The following HAUS6 variants were observed in gnomAD, a reference collection of about 807,000 sequenced individuals.
HAUS6 encodes HAUS augmin like complex subunit 6.
HAUS6 carries 80 observed loss-of-function variants against 106.8 expected under a neutral mutation model. That is an observed-to-expected ratio of 0.75 (90% CI 0.63 to 0.90). The LOEUF is 0.90. HAUS6 is among the 40% of genes least tolerant of loss of function. The pLI is 0.00. For missense variants in HAUS6, 1,155 were observed against 1,118.1 expected (o/e 1.03, Z -0.47); for synonymous variants, 356 against 379.1 (o/e 0.94, Z 0.71).
intron 15 of HAUS6, 23 bp from the exon 16 acceptor site, chr9:19,059,024 C>A: frequency 7.7e-7 from 1 of 1,306,618 alleles, no homozygotes; most frequent in Non-Finnish European, 1.1e-6. Flanking sequence ...GAGAAAAACA[C>A]AGTTTACTAA....
At chr9:19,093,505 G>C (rs1234579553) in intron 3 of HAUS6, among the ~76,000 whole-genome samples, 1 of 152,224 alleles carries the variant, frequency 6.6e-6, no homozygotes, top group Non-Finnish European at 1.5e-5. Flanking sequence ...CTGTGCAGCA[G>C]AGTGCAAAGC....
chr9:19,086,829 G>T (rs1375690173), intron 6 of HAUS6, 47 bp from the exon 7 acceptor site: 2 of 797,904 alleles, frequency 2.5e-6, no homozygotes, highest in South Asian at 1.6e-5. Context: ...AAATCACATG[G>T]TAATTTAATA....
At chr9:19,067,846 C>G (rs1171260141) in intron 12 of HAUS6, among the ~76,000 whole-genome samples, 1 of 152,014 alleles carries the variant, frequency 6.6e-6, no homozygotes, top group Non-Finnish European at 1.5e-5. Context: ...GCATGCGCCA[C>G]CACACCCAGC....
intron 12 of HAUS6, chr9:19,065,187 G>A (rs559821169): frequency 1.3e-5 from 2 of 152,304 alleles, no homozygotes; most frequent in East Asian, 3.9e-4. Context: ...TCTCATTTCT[G>A]AACTGGCAAC....
chr9:19,087,084 C>A lies in HAUS6; in HGVS notation c.650+7G>T. On this transcript the variant is annotated splice_region_variant and intron_variant, in intron 6 of 16. Transcript: ENST00000380502. Reference sequence around the variant, plus strand: ...TAAGGCAACTTCTAGCTCTAAAAGTCACTTACTTCTTTATTTGGTTTTCCA... The same window carrying A: ...TAAGGCAACTTCTAGCTCTAAAAGTAACTTACTTCTTTATTTGGTTTTCCA... The A allele has an allele frequency of 7.2e-7, 1 of 1,380,904 alleles. No individual in the cohort carries two copies. The highest frequency in any genetic ancestry group is 1.2e-5 in the South Asian group (1 of 86,098). The allele number at this position is 1,380,904 out of a possible 1,614,324, so 85.5% of individuals were successfully genotyped here.
chr9:19,097,903 T>C (rs1817897049), intron 1 of HAUS6, among the ~76,000 whole-genome samples: 1 of 152,212 alleles, frequency 6.6e-6, no homozygotes, highest in Admixed American at 6.5e-5. Flanking sequence ...ATCAAGTGAA[T>C]TTCTGACTTA....
At chr9:19,090,528 C>A (rs1389090374) in intron 4 of HAUS6, among the ~76,000 whole-genome samples, 2 of 152,248 alleles carry the variant, frequency 1.3e-5, no homozygotes, top group Non-Finnish European at 2.9e-5. Context: ...CCACGCCCGG[C>A]TAATTTTTTG....
rs139687432 is a variant in HAUS6, at chr9:19,076,468, T to A, written c.1294+134A>T. 150 of 657,712 alleles carry A rather than the reference T, an allele frequency of 2.3e-4. No individual in the cohort carries two copies. The African/African-American group carries it at 2.3e-3, about 10-fold the overall frequency. 40.7% of individuals were successfully genotyped at this position (657,712 alleles called of 1,614,324 possible). A position where few individuals can be genotyped will look rare whatever the true frequency, so the allele number is the denominator to read the frequency against. ...CTTTGCAATAACTGAAATTGTGAATTTTATGTTACATGCATTTCACCACAA... is the reference window on the plus strand; with the variant it reads ...CTTTGCAATAACTGAAATTGTGAATATTATGTTACATGCATTTCACCACAA... On this transcript the variant is annotated intron_variant, in intron 11 of 16. Transcript: ENST00000380502.
At chr9:19,067,920 C>T (rs1836798066) in intron 12 of HAUS6, among the ~76,000 whole-genome samples, 3 of 151,966 alleles carry the variant, frequency 2.0e-5, no homozygotes, top group Admixed American at 2.0e-4. Flanking sequence ...TCTCGAACTC[C>T]TGACCTCAGG....
In HAUS6 at chr9:19,080,462, A is replaced by T. The variant is rs1837115589; in HGVS notation, c.1064+17T>A. 2 of 1,545,562 alleles carry T rather than the reference A, an allele frequency of 1.3e-6. No homozygotes were observed. The highest frequency in any genetic ancestry group is 2.7e-5 in the African/African-American group (2 of 73,442). ...CCTACTCCTCCCACAGTAAAATAAC[A>T]GATCTTTTTAGTGTACCTCATATGT... On this transcript the variant is annotated intron_variant, in intron 9 of 16. Coordinates refer to ENST00000380502, the MANE Select transcript of HAUS6 (RefSeq NM_017645.5).
chr9:19,097,224 G>A (rs1817883543), intron 1 of HAUS6, among the ~76,000 whole-genome samples: 1 of 152,084 alleles, frequency 6.6e-6, no homozygotes, highest in Non-Finnish European at 1.5e-5. Context: ...CAAAAGCAAT[G>A]GCAACAAAAG....
rs779393569 is a variant in HAUS6, at chr9:19,058,104, T to C, written c.2663A>G (p.His888Arg). The C allele has an allele frequency of 6.2e-7, 1 of 1,614,176 alleles. No homozygotes were observed. Among genetic ancestry groups the C allele is most frequent in the East Asian group, 2.2e-5 (1 of 44,886 alleles). Residue 888 changes from histidine to arginine, a missense_variant, in exon 16 of 17, where the codon CAT (histidine) becomes CGT (arginine). By Grantham distance (29) the His-to-Arg change is conservative. Transcript: ENST00000380502. ...TAAAGATGGCTTTATATGCTCAGTATGCAAATCACAGGTGTCCAAAAAGTT... is the reference window on the plus strand; with the variant it reads ...TAAAGATGGCTTTATATGCTCAGTACGCAAATCACAGGTGTCCAAAAAGTT... The part of the protein sequence containing the change: ...TLNFLDTCDL[H>R]TEHIKPSLRT...
At position 19,068,952 on chromosome 9, in the gene HAUS6, A is replaced by C. The variant is rs140198563; in HGVS notation, c.1376+1267T>G. On this transcript the variant is annotated intron_variant, in intron 12 of 16. Transcript: ENST00000380502. ...ACAAAATCCAGTTTTTTCATATGTT[A>C]AATCTGGTGGTTATAGTAAATCAGA... Among the ~76,000 whole-genome samples, 493 of 152,316 alleles carry C rather than the reference A, an allele frequency of 3.2e-3. 4 individuals are homozygous for C. Among genetic ancestry groups the C allele is most frequent in the African/African-American group, 0.011 (471 of 41,582 alleles).
At chr9:19,085,708 T>C (rs1837274509) in intron 7 of HAUS6, among the ~76,000 whole-genome samples, 1 of 151,952 alleles carries the variant, frequency 6.6e-6, no homozygotes, top group Admixed American at 6.6e-5. Flanking sequence ...GTCAGAATCC[T>C]CCCTCCTGCC....
At chr9:19,062,286 T>C (rs1038801002) in intron 14 of HAUS6, among the ~76,000 whole-genome samples, 11 of 152,190 alleles carry the variant, frequency 7.2e-5, no homozygotes, top group African/African-American at 2.2e-4. Context: ...TGATATGATA[T>C]TGCAGTGTGT....
intron 12 of HAUS6, among the ~76,000 whole-genome samples, chr9:19,069,315 G>A (rs988497551): frequency 1.3e-5 from 2 of 152,004 alleles, no homozygotes; most frequent in African/African-American, 4.8e-5. Flanking sequence ...GAATAGAAGA[G>A]GAAAAAATGC....
Position 19,082,911 on chromosome 9 carries a change from T to A in HAUS6, c.832A>T (p.Arg278Trp). Residue 278 changes from arginine to tryptophan, a missense_variant, in exon 8 of 17, where the codon AGG becomes TGG. Physicochemically the swap from Arg to Trp is moderately radical, Grantham distance 101 (BLOSUM62 -3). Around this residue, in one of 3 missense-constraint regions of HAUS6, gnomAD observed 761 missense variants for 690.0 expected, o/e 1.10. Coordinates refer to ENST00000380502, the MANE Select transcript of HAUS6 (RefSeq NM_017645.5). ...DGTNVAINIP[R>W]LLLDKIEKQM... ...TTCTCAATTTTGTCAAGTAAGAGCC[T>A]TGGAATATTAATAGCAACATTAGTT... 6.5e-7 allele frequency: 1 copy of A among 1,529,364 alleles called. No homozygotes were observed. 94.7% of individuals were successfully genotyped at this position (1,529,364 alleles called of 1,614,324 possible).
chr9:19,089,197 C>T (rs963397075), intron 5 of HAUS6, among the ~76,000 whole-genome samples: 1 of 151,898 alleles, frequency 6.6e-6, no homozygotes, highest in Non-Finnish European at 1.5e-5. Flanking sequence ...GAGCCGACAT[C>T]GCGCCACTGC....
chr9:19,074,588 A>G (rs921139793), intron 11 of HAUS6, among the ~76,000 whole-genome samples: 3 of 151,112 alleles, frequency 2.0e-5, no homozygotes, highest in African/African-American at 7.3e-5. Flanking sequence ...AGACTTTTCT[A>G]TGTCTTCTCT....
Sources: allele counts gnomAD v4.1 joint callset (sites outside exome capture counted in the v4.1 genomes callset), GRCh38; gene constraint gnomAD v4.1.1; regional missense constraint gnomAD v4.1.1; transcripts MANE v1.5; gene names NCBI Gene and HGNC (gene_info 2026-07-23, HGNC 2026-07-21).